TMEM178B: variants seen among roughly 807,000 people sequenced by gnomAD.
TMEM178B encodes transmembrane protein 178B.
TMEM178B carries 5 observed loss-of-function variants against 31.0 expected under a neutral mutation model. The ratio of observed to expected loss-of-function variants is 0.16; its 90% CI spans 0.08 to 0.34. The LOEUF (loss-of-function observed/expected upper bound fraction) is 0.34. TMEM178B is among the 10% of genes least tolerant of loss of function. TMEM178B has a pLI of 1.00. For synonymous variants in TMEM178B, 164 were observed against 164.0 expected (o/e 1.00, Z 0.00); for missense variants, 275 against 400.3 (o/e 0.69, Z 2.67).
At chr7:141,356,179 T>G (rs749958650) in intron 2 of TMEM178B, among the ~76,000 whole-genome samples, 1 of 152,186 alleles carries the variant, frequency 6.6e-6, no homozygotes, top group Non-Finnish European at 1.5e-5. Context: ...GTGATGAACA[T>G]ACAAATGCAT....
At chr7:141,486,251 G>T in the TMEM178B span, among the ~76,000 whole-genome samples, 9 of 152,154 alleles carry the variant, frequency 5.9e-5, no homozygotes, top group African/African-American at 1.9e-4. Flanking sequence ...ACCCAGAAAG[G>T]TGAGGGGGTG....
intron 2 of TMEM178B, among the ~76,000 whole-genome samples, chr7:141,230,178 C>T (rs763249176): frequency 1.5e-4 from 23 of 152,142 alleles, no homozygotes; most frequent in Non-Finnish European, 2.4e-4. Context: ...AATCCTTGTG[C>T]ATAAATCTTT....
At chr7:141,281,314 T>G (rs1159492355) in intron 2 of TMEM178B, among the ~76,000 whole-genome samples, 1 of 148,714 alleles carries the variant, frequency 6.7e-6, no homozygotes, top group Admixed American at 6.6e-5. Flanking sequence ...CAAGATAGAT[T>G]TTTTTTTTCC....
intron 1 of TMEM178B, among the ~76,000 whole-genome samples, chr7:141,139,365 T>A (rs898201111): frequency 1.3e-5 from 2 of 150,886 alleles, no homozygotes; most frequent in African/African-American, 2.5e-5. Flanking sequence ...TTTAAAAAAT[T>A]TTTTTAGGCA....
intron 2 of TMEM178B, among the ~76,000 whole-genome samples, chr7:141,363,762 G>A (rs1424923909): frequency 2.0e-5 from 3 of 152,020 alleles, no homozygotes; most frequent in Non-Finnish European, 4.4e-5. Flanking sequence ...CAGGAGATGT[G>A]CTCAACCTTC....
In TMEM178B at chr7:141,344,657, C is replaced by A. The variant is rs1586904397; in HGVS notation, c.497-92951C>A. ...CTTCCTTCTTCCCTTCATCAAAAGA[C>A]CTCTCAGAGGGAGGAACAAAGTATA... On this transcript the variant is annotated intron_variant, in intron 2 of 3. Coordinates refer to ENST00000565468, the MANE Select transcript of TMEM178B (RefSeq NM_001195278.2). The surrounding 1 kb of genome is among the most constrained non-coding windows in gnomAD (Gnocchi z 4.1). 6.9e-6 allele frequency among the ~76,000 whole-genome samples: 1 copy of A among 145,074 alleles called. No homozygotes were observed. Among genetic ancestry groups the A allele is most frequent in the South Asian group, 2.4e-4 (1 of 4,210 alleles).
intron 2 of TMEM178B, among the ~76,000 whole-genome samples, chr7:141,288,595 C>G (rs1798490620): frequency 6.6e-6 from 1 of 152,152 alleles, no homozygotes. Flanking sequence ...TGCATTTGCA[C>G]CCACATTCCT....
At chr7:141,446,310 A>C (rs1032972356) in intron 3 of TMEM178B, among the ~76,000 whole-genome samples, 2 of 152,152 alleles carry the variant, frequency 1.3e-5, no homozygotes, top group African/African-American at 4.8e-5. Context: ...GATGAATCCA[A>C]ATCTGGTCAG....
chr7:141,424,593 T>G (rs1801280318), intron 2 of TMEM178B, among the ~76,000 whole-genome samples: 1 of 152,186 alleles, frequency 6.6e-6, no homozygotes, highest in South Asian at 2.1e-4. Flanking sequence ...ATCTCTCAAA[T>G]AACTCAAAAG....
intron 1 of TMEM178B, among the ~76,000 whole-genome samples, chr7:141,077,488 C>A (rs1223991225): frequency 6.6e-6 from 1 of 152,208 alleles, no homozygotes; most frequent in Non-Finnish European, 1.5e-5. Flanking sequence ...AACATCAAAT[C>A]TATGTCTGAT....
In TMEM178B at chr7:141,161,934, TTGTG is replaced by T. The variant is rs1389207232; in HGVS notation, c.383-50654_383-50651del. Among the ~76,000 whole-genome samples, 2 of 136,348 alleles carry T rather than the reference TTGTG, an allele frequency of 1.5e-5. 1 individual carries two copies. The highest frequency in any genetic ancestry group is 4.4e-4 in the South Asian group (2 of 4,506). The allele number at this position is 136,348 out of a possible 152,430, so 89.4% of individuals were successfully genotyped here. A position where few individuals can be genotyped will look rare whatever the true frequency, so the allele number is the denominator to read the frequency against. On this transcript the variant is annotated intron_variant, in intron 1 of 3. Transcript: ENST00000565468. ...CAAGAGCATGTGAGAATGTGTGTGT[TTGTG>T]TGAGGATTTGTGAGAGAGCATGAGA...
intron 1 of TMEM178B, among the ~76,000 whole-genome samples, chr7:141,105,510 A>C (rs1321035769): frequency 6.6e-6 from 1 of 152,020 alleles, no homozygotes; most frequent in Non-Finnish European, 1.5e-5. Flanking sequence ...CCATCTCAAA[A>C]ACTAAACAAA....
In TMEM178B at chr7:141,461,095, G is replaced by A. The variant is rs567762895; in HGVS notation, c.635-9441G>A. Among the ~76,000 whole-genome samples the A allele has an allele frequency of 1.1e-4, 17 of 152,290 alleles. No individual in the cohort carries two copies. The South Asian group carries it at 2.5e-3, about 22-fold the overall frequency. On this transcript the variant is annotated intron_variant, in intron 3 of 3. Coordinates refer to ENST00000565468, the MANE Select transcript of TMEM178B (RefSeq NM_001195278.2). The surrounding 1 kb of genome is among the most constrained non-coding windows in gnomAD (Gnocchi z 4.0). ...TTTTGTATCATCTACTTCCCAGGAC[G>A]GATGTGCCACTGTTGAAGGAGGAGG...
chr7:141,148,047 TA>T (rs1287720545), intron 1 of TMEM178B, among the ~76,000 whole-genome samples: 7 of 152,140 alleles, frequency 4.6e-5, no homozygotes, highest in African/African-American at 1.2e-4. Flanking sequence ...AAATGGGTCC[TA>T]GGGGGCTAAA....
intron 2 of TMEM178B, among the ~76,000 whole-genome samples, chr7:141,213,814 A>C (rs1342312597): frequency 1.3e-5 from 2 of 152,220 alleles, no homozygotes; most frequent in African/African-American, 4.8e-5. Context: ...CATTGGTTTC[A>C]AGAAGTATAT....
At chr7:141,421,946 C>T (rs1801218525) in intron 2 of TMEM178B, among the ~76,000 whole-genome samples, 1 of 152,024 alleles carries the variant, frequency 6.6e-6, no homozygotes, top group Admixed American at 6.5e-5. Context: ...GGTAAACTGT[C>T]ACATATTCAT....
intron 1 of TMEM178B, among the ~76,000 whole-genome samples, chr7:141,095,276 G>A (rs140850296): frequency 5.9e-5 from 9 of 152,228 alleles, no homozygotes; most frequent in Non-Finnish European, 1.2e-4. Context: ...ACTCAGAAAC[G>A]GTGGGATACT....
intron 1 of TMEM178B, among the ~76,000 whole-genome samples, chr7:141,100,110 C>T (rs184856683): frequency 2.4e-4 from 37 of 152,266 alleles, no homozygotes; most frequent in South Asian, 1.5e-3. Context: ...TGAGCCACTG[C>T]GCCCGACCAA....
intron 2 of TMEM178B, among the ~76,000 whole-genome samples, chr7:141,351,355 G>C (rs949623145): frequency 5.3e-5 from 8 of 152,272 alleles, no homozygotes; most frequent in Non-Finnish European, 8.8e-5. Context: ...CTGAGGGCAG[G>C]CTGGCCTAGA....
Sources: allele counts gnomAD v4.1 joint callset (sites outside exome capture counted in the v4.1 genomes callset), GRCh38; gene constraint gnomAD v4.1.1; non-coding constraint Gnocchi (gnomAD v3.1); transcripts MANE v1.5; gene names NCBI Gene and HGNC (gene_info 2026-07-23, HGNC 2026-07-21).